The following CDC5L variants were observed in gnomAD, a reference collection of about 807,000 sequenced individuals.
CDC5L encodes the protein cell division cycle 5-like protein.
A neutral mutation model predicts 104.1 loss-of-function variants in CDC5L; 18 were observed. The observed-to-expected ratio is 0.17, with a 90% CI of 0.12 to 0.26. The LOEUF (loss-of-function observed/expected upper bound fraction) is 0.26, where lower values mean the gene tolerates loss of function less well. Among genes scored for constraint, CDC5L ranks in the 10% least tolerant of loss-of-function variants. The pLI, the probability that CDC5L is intolerant of heterozygous loss-of-function variation, is 1.00. For missense variants in CDC5L, 673 were observed against 956.9 expected, an observed-to-expected ratio of 0.70 and a Z score of 3.91; for synonymous variants, 331 against 322.7, an observed-to-expected ratio of 1.03 and a Z score of -0.28.
At chr6:44,421,185 AT>A in intron 9 of CDC5L, among the ~76,000 whole-genome samples, 1 of 152,280 alleles carries the variant, frequency 6.6e-6, no homozygotes, top group African/African-American at 2.4e-5. Context: ...ATCCATCATA[AT>A]TTTTAATGCA....
chr6:44,426,156 C>T lies in CDC5L; in HGVS notation c.1623C>T (p.Val541=), dbSNP rs1792409318. Residue 541 remains valine (V), a synonymous_variant, in exon 12 of 16, where the codon GTC becomes GTT. Transcript: ENST00000371477. ...AAATGAAACGAATGCATAAAGCTGT[C>T]CAGAAAGATCTGCCAAGACCATCAG... ...VKEMKRMHKA[V]QKDLPRPSEV... 6 of 1,607,194 alleles carry T rather than the reference C, an allele frequency of 3.7e-6. No homozygotes were observed. Among genetic ancestry groups the T allele is most frequent in the Non-Finnish European group, 1.7e-6 (2 of 1,176,484 alleles).
At chr6:44,406,196 C>T in intron 6 of CDC5L, 127 bp from the exon 7 acceptor site, 1 of 714,890 alleles carries the variant, frequency 1.4e-6, no homozygotes, top group Non-Finnish European at 2.3e-6. Context: ...GCCATTGCAC[C>T]TGGCCTTTTC....
chr6:44,426,927 C>T (rs190886359), intron 13 of CDC5L, among the ~76,000 whole-genome samples: 210 of 152,232 alleles, frequency 1.4e-3, no homozygotes, highest in Non-Finnish European at 2.4e-3. Flanking sequence ...TGTGATAGAC[C>T]TTTAGCAAAT....
At chr6:44,388,179 A>T (rs1347336736) in intron 1 of CDC5L, among the ~76,000 whole-genome samples, 1 of 96,806 alleles carries the variant, frequency 1.0e-5, no homozygotes, top group Non-Finnish European at 1.9e-5. Flanking sequence ...CCCGGGAAGA[A>T]CTCAGAGTTC....
In CDC5L at chr6:44,426,660, C is replaced by T. The variant is rs145253281; in HGVS notation, c.1829C>T (p.Ser610Leu). ...GKTVGFGTNN[S>L]EHITYLEHNP... ...ACTGTAGGGTTTGGTACCAATAATT[C>T]AGAGCACATTACCTATCTGGAACAT... is the stretch of plus-strand genomic sequence containing the variant. The change falls in exon 13 of 16, where the codon TCA becomes TTA. Residue 610 changes from serine to leucine, a missense_variant. Physicochemically the swap from Ser to Leu is moderately radical, Grantham distance 145. Coordinates refer to ENST00000371477, the MANE Select transcript of CDC5L (RefSeq NM_001253.4). 8 of 1,612,438 alleles carry T rather than the reference C, an allele frequency of 5.0e-6. No homozygotes were observed. The highest frequency in any genetic ancestry group is 1.3e-5 in the African/African-American group (1 of 74,870).
At chr6:44,395,028 T>C (rs1270617309) in intron 4 of CDC5L, among the ~76,000 whole-genome samples, 1 of 152,068 alleles carries the variant, frequency 6.6e-6, no homozygotes, top group Non-Finnish European at 1.5e-5. Context: ...GAGAGACAAA[T>C]ACTGCATATT....
At chr6:44,391,100 TTA>T (rs1202562053) in intron 2 of CDC5L, among the ~76,000 whole-genome samples, 5 of 144,912 alleles carry the variant, frequency 3.5e-5, no homozygotes, top group Non-Finnish European at 1.5e-5. Context: ...ATTTAATATG[TTA>T]TATATTATAT....
At chr6:44,435,187 T>C (rs1167551476) in intron 14 of CDC5L, among the ~76,000 whole-genome samples, 2 of 151,276 alleles carry the variant, frequency 1.3e-5, no homozygotes, top group Admixed American at 1.3e-4. Context: ...TTTCATTTAA[T>C]AGTTGTAAAT....
chr6:44,430,048 T>A, intron 14 of CDC5L, 138 bp downstream of exon 14: 1 of 644,536 alleles, frequency 1.6e-6, no homozygotes, highest in Non-Finnish European at 2.7e-6. Context: ...AAACTACACT[T>A]AAGTGTTGGA....
Position 44,448,828 on chromosome 6 carries a change from G to A in CDC5L, c.*2117G>A, listed in dbSNP as rs1168386960. On this transcript the variant is annotated 3_prime_UTR_variant, in exon 16 of 16. Transcript: ENST00000371477. Reference sequence around the variant, plus strand: ...TGTCCATAGTTTTAAGTTTGCTGTTGGGAGTTAGATAGTCTTTATCTGAAA... The same window carrying A: ...TGTCCATAGTTTTAAGTTTGCTGTTAGGAGTTAGATAGTCTTTATCTGAAA... The A allele has an allele frequency of 6.6e-6, 1 of 151,880 alleles. No individual in the cohort carries two copies. The highest frequency in any genetic ancestry group is 1.5e-5 in the Non-Finnish European group (1 of 67,952). 9.4% of individuals were successfully genotyped at this position (151,880 alleles called of 1,614,324 possible).
intron 1 of CDC5L, among the ~76,000 whole-genome samples, chr6:44,388,135 C>A (rs1373897318): frequency 3.3e-5 from 1 of 30,190 alleles, no homozygotes; most frequent in Non-Finnish European, 9.2e-5. Flanking sequence ...CTTGAATACG[C>A]CCCCTCCCAC....
At chr6:44,438,075 A>G (rs1793016356) in intron 14 of CDC5L, among the ~76,000 whole-genome samples, 1 of 152,138 alleles carries the variant, frequency 6.6e-6, no homozygotes, top group Non-Finnish European at 1.5e-5. Flanking sequence ...CAGTCTCCCA[A>G]GTAGCTGGAA....
chr6:44,447,548 A>G lies in CDC5L; in HGVS notation c.*837A>G, dbSNP rs1449166849. 6.6e-6 allele frequency: 1 copy of G among 152,200 alleles called. No individual in the cohort carries two copies. The highest frequency in any genetic ancestry group is 1.5e-5 in the Non-Finnish European group (1 of 68,038). 9.4% of individuals were successfully genotyped at this position (152,200 alleles called of 1,614,324 possible). ...TCATATAAATTGATTTAGTTACAGTATCAGTTGGCTACAAGCTCATTATAG... is the reference window on the plus strand; with the variant it reads ...TCATATAAATTGATTTAGTTACAGTGTCAGTTGGCTACAAGCTCATTATAG... On this transcript the variant is annotated 3_prime_UTR_variant, in exon 16 of 16. Coordinates refer to ENST00000371477, the MANE Select transcript of CDC5L (RefSeq NM_001253.4).
At chr6:44,391,566 A>G (rs932546465) in intron 2 of CDC5L, among the ~76,000 whole-genome samples, 9 of 152,238 alleles carry the variant, frequency 5.9e-5, no homozygotes, top group Middle Eastern at 3.4e-3. Context: ...CTCTTAAATC[A>G]TAGGGTAGTG....
At chr6:44,431,459 A>G (rs185789763) in intron 14 of CDC5L, among the ~76,000 whole-genome samples, 5 of 152,326 alleles carry the variant, frequency 3.3e-5, no homozygotes, top group African/African-American at 9.6e-5. Flanking sequence ...TAATATCAGC[A>G]TCATCACTGA....
At chr6:44,403,274 C>T (rs1791212760) in intron 5 of CDC5L, among the ~76,000 whole-genome samples, 2 of 151,262 alleles carry the variant, frequency 1.3e-5, no homozygotes, top group Non-Finnish European at 2.9e-5. Flanking sequence ...TAGTTACCTG[C>T]ATTTTTTGCT....
chr6:44,445,945 A>G lies in CDC5L; in HGVS notation c.2304+78A>G, dbSNP rs11572051. The G allele has an allele frequency of 9.1e-4, 979 of 1,077,864 alleles. 7 individuals are homozygous for G. In the African/African-American group the frequency reaches 0.013, roughly 14 times the overall value. The allele number at this position is 1,077,864 out of a possible 1,614,324, so 66.8% of individuals were successfully genotyped here. On this transcript the variant is annotated intron_variant, in intron 15 of 15. Coordinates refer to ENST00000371477, the MANE Select transcript of CDC5L (RefSeq NM_001253.4). ...AGGGCTGTCCTCTTTTACTTCTCCT[A>G]TGTAGACTGTCTCTGAAGTTGGTAC...
At chr6:44,390,448 T>A in intron 2 of CDC5L, 77 bp downstream of exon 2, 1 of 910,256 alleles carries the variant, frequency 1.1e-6, no homozygotes, top group Admixed American at 2.3e-5. Flanking sequence ...TCTGTGAACC[T>A]TATCAAAGAA....
chr6:44,443,879 A>G (rs1216661731), intron 14 of CDC5L, among the ~76,000 whole-genome samples: 1 of 143,828 alleles, frequency 7.0e-6, no homozygotes, highest in Non-Finnish European at 1.5e-5. Context: ...ATATTTTCCT[A>G]TTTCTTAATT....
Sources: gnomAD v4.1 joint callset for allele counts (sites outside exome capture counted in the v4.1 genomes callset) on GRCh38, gnomAD v4.1.1 for gene constraint, MANE v1.5 for transcripts, NCBI Gene and HGNC (gene_info 2026-07-23, HGNC 2026-07-21) for gene names.